SLC1A7: variants seen among roughly 807,000 people sequenced by gnomAD.
The protein encoded by SLC1A7 is excitatory amino acid transporter 5.
In SLC1A7, 40 loss-of-function variants were observed where a neutral mutation model predicts 47.7. That is an observed-to-expected ratio of 0.84 (90% CI 0.65 to 1.09). The LOEUF (loss-of-function observed/expected upper bound fraction) is 1.09. SLC1A7 is among the 50% of genes least tolerant of loss of function. The pLI is 0.00. For missense variants in SLC1A7, 746 were observed against 769.5 expected, an observed-to-expected ratio of 0.97 and a Z score of 0.36; for synonymous variants, 323 against 325.6, an observed-to-expected ratio of 0.99 and a Z score of 0.09.
intron 2 of SLC1A7, 177 bp from the exon 3 acceptor site, chr1:53,115,150 C>A: frequency 1.6e-6 from 1 of 618,618 alleles, no homozygotes; most frequent in Admixed American, 2.7e-5. Flanking sequence ...TCTGCCCTCT[C>A]CCCCACGCCC....
At chr1:53,116,251 A>G (rs977297781) in intron 2 of SLC1A7, 8 of 152,276 alleles carry the variant, frequency 5.3e-5, no homozygotes, top group Admixed American at 2.6e-4. Context: ...CACTTTGAGC[A>G]TCCCCTCTTG....
intron 2 of SLC1A7, 192 bp from the exon 3 acceptor site, chr1:53,115,165 G>T: frequency 1.6e-6 from 1 of 610,520 alleles, no homozygotes. Flanking sequence ...ACGCCCCGGG[G>T]CGCAGGCCAC....
chr1:53,142,210 A>C, intron 1 of SLC1A7, 105 bp downstream of exon 1: 1 of 1,297,148 alleles, frequency 7.7e-7, no homozygotes, highest in East Asian at 2.5e-5. Context: ...GGATTCACAC[A>C]CTGTCATGGC....
intron 2 of SLC1A7, among the ~76,000 whole-genome samples, chr1:53,117,988 G>A (rs1358645162): frequency 3.9e-5 from 6 of 152,372 alleles, no homozygotes; most frequent in South Asian, 2.1e-4. Flanking sequence ...GTGAGCAGCC[G>A]CGGGAACTGC....
chr1:53,093,672 C>A, intron 5 of SLC1A7, 112 bp from the exon 6 acceptor site: 1 of 705,050 alleles, frequency 1.4e-6, no homozygotes, highest in Admixed American at 2.4e-5. Context: ...ACTCCCCCCA[C>A]TCCCCCCACT....
chr1:53,123,340 G>A lies in SLC1A7; in HGVS notation c.216-8367C>T, dbSNP rs185400923. 9.0e-3 allele frequency among the ~76,000 whole-genome samples: 1,377 copies of A among 152,312 alleles called. 16 individuals carry two copies. The highest frequency in any genetic ancestry group is 0.031 in the African/African-American group (1,289 of 41,580). On this transcript the variant is annotated intron_variant, in intron 2 of 10. Coordinates refer to ENST00000371494, the MANE Select transcript of SLC1A7 (RefSeq NM_006671.6). ...AGTCTGCCCCGCACAGGGCTCAGGC[G>A]GGGCCATCCTGTGGGCCTCTCTCCA... is the stretch of plus-strand genomic sequence containing the variant.
At chr1:53,126,438 A>G (rs1228546801) in intron 2 of SLC1A7, among the ~76,000 whole-genome samples, 1 of 152,214 alleles carries the variant, frequency 6.6e-6, no homozygotes, top group Non-Finnish European at 1.5e-5. Flanking sequence ...GAGGGCTGAA[A>G]TAAACTGAAA....
chr1:53,101,576 C>T lies in SLC1A7; in HGVS notation c.697+1770G>A, dbSNP rs191356640. Among the ~76,000 whole-genome samples the T allele has an allele frequency of 1.0e-4, 15 of 144,248 alleles. 1 individual carries two copies. The highest frequency in any genetic ancestry group is 6.5e-4 in the East Asian group (3 of 4,632). 94.6% of individuals were successfully genotyped at this position (144,248 alleles called of 152,430 possible). On this transcript the variant is annotated intron_variant, in intron 5 of 10. Coordinates refer to ENST00000371494, the MANE Select transcript of SLC1A7 (RefSeq NM_006671.6). ...CTGCCTCGGTACACCCATGCCTACT[C>T]GGTACACTCACACAACCCGCCTCAG...
At chr1:53,115,087 AC>A in intron 2 of SLC1A7, 114 bp from the exon 3 acceptor site, 1 of 758,596 alleles carries the variant, frequency 1.3e-6, no homozygotes, top group Non-Finnish European at 2.2e-6. Context: ...GCTCCAGGGA[AC>A]CCCATTCTTC....
rs773133321 is a variant in SLC1A7, at chr1:53,105,762, TG to T, written c.443del (p.Pro148GlnfsTer4). The T allele has an allele frequency of 1.2e-6, 2 of 1,613,386 alleles. No homozygotes were observed. The highest frequency in any genetic ancestry group is 2.7e-5 in the African/African-American group (2 of 74,828). On this transcript the variant is annotated frameshift_variant, in exon 4 of 11. Transcript: ENST00000371494. LOFTEE classifies it high-confidence loss of function. ...ALLDLIRNMF[P>X]ANLVEATFKQ... The stretch of plus-strand genomic sequence containing the variant: ...TGAATGTGGCTTCTACTAGGTTGGC[TG>T]GGAACATGTTCCTAGGAAGAGAATC...
At chr1:53,110,859 C>T (rs969318900) in intron 3 of SLC1A7, among the ~76,000 whole-genome samples, 9 of 152,092 alleles carry the variant, frequency 5.9e-5, no homozygotes, top group African/African-American at 2.2e-4. Flanking sequence ...GGCCTCTGCA[C>T]CTGCTTGCTG....
chr1:53,103,166 C>G, intron 5 of SLC1A7, 180 bp downstream of exon 5: 1 of 549,990 alleles, frequency 1.8e-6, no homozygotes, highest in Non-Finnish European at 3.1e-6. Flanking sequence ...GGGGAAGCCC[C>G]TGGGGTGGGG....
intron 5 of SLC1A7, among the ~76,000 whole-genome samples, chr1:53,095,267 A>G (rs1644472497): frequency 2.0e-5 from 3 of 146,952 alleles, no homozygotes; most frequent in Non-Finnish European, 4.5e-5. Flanking sequence ...ACACAGGGAC[A>G]CAGGTGCACA....
intron 5 of SLC1A7, among the ~76,000 whole-genome samples, chr1:53,096,303 CGGT>C (rs1644489677): frequency 1.4e-5 from 2 of 147,296 alleles, no homozygotes; most frequent in South Asian, 4.4e-4. Context: ...CACACTGTCT[CGGT>C]AAACTCACCC....
intron 1 of SLC1A7, among the ~76,000 whole-genome samples, chr1:53,134,736 G>A (rs191198090): frequency 9.9e-5 from 15 of 152,224 alleles, no homozygotes; most frequent in African/African-American, 3.6e-4. Flanking sequence ...TATTCTCAGC[G>A]GACAGGTTCC....
Position 53,089,734 on chromosome 1 carries a change from T to C in SLC1A7, c.1361+66A>G. ...GGGGAAGGGACTCAGCCGCTCACCCTGATCCCTGCTGACCCTGAAGTCAGC... is the reference window on the plus strand; with the variant it reads ...GGGGAAGGGACTCAGCCGCTCACCCCGATCCCTGCTGACCCTGAAGTCAGC... On this transcript the variant is annotated intron_variant, in intron 9 of 10. Transcript: ENST00000371494. The C allele has an allele frequency of 3.2e-6, 5 of 1,559,188 alleles. No homozygotes were observed. In the South Asian group the frequency reaches 5.8e-5, roughly 18 times the overall value.
chr1:53,089,881 AGGCCGGCC>A lies in SLC1A7; in HGVS notation c.1272_1279del (p.Gln424HisfsTer17). ...GGTGAGCACGATGACCATGGTGACG[AGGCCGGCC>A]TGGGGGATGCCAGCTGCCCCAATGC... is the stretch of plus-strand genomic sequence containing the variant. On this transcript the variant is annotated frameshift_variant, in exon 9 of 11. Coordinates refer to ENST00000371494, the MANE Select transcript of SLC1A7 (RefSeq NM_006671.6). LOFTEE classifies it high-confidence loss of function. The A allele has an allele frequency of 6.2e-7, 1 of 1,613,830 alleles. No individual in the cohort carries two copies. The highest frequency in any genetic ancestry group is 8.5e-7 in the Non-Finnish European group (1 of 1,179,976).
chr1:53,141,056 C>G (rs537652269), intron 1 of SLC1A7, among the ~76,000 whole-genome samples: 1 of 152,310 alleles, frequency 6.6e-6, no homozygotes, highest in South Asian at 2.1e-4. Context: ...ATTGACAAAG[C>G]CTCTCTCCTT....
chr1:53,104,032 T>G (rs531726172), intron 4 of SLC1A7, among the ~76,000 whole-genome samples: 1 of 152,140 alleles, frequency 6.6e-6, no homozygotes. Flanking sequence ...ATGAAGCCCA[T>G]GCACAAGAAA....
Sources: gnomAD v4.1 joint callset for allele counts (sites outside exome capture counted in the v4.1 genomes callset) on GRCh38, gnomAD v4.1.1 for gene constraint, MANE v1.5 for transcripts, NCBI Gene and HGNC (gene_info 2026-07-23, HGNC 2026-07-21) for gene names.